The following UBE4B variants were observed in gnomAD, a reference collection of about 807,000 sequenced individuals.
UBE4B encodes ubiquitination factor E4B, also known as ubiquitin conjugation factor E4 B.
A neutral mutation model predicts 148.1 loss-of-function variants in UBE4B; 27 were observed. The ratio of observed to expected loss-of-function variants is 0.18; its 90% CI spans 0.13 to 0.25. UBE4B has a LOEUF of 0.25. Among genes scored for constraint, UBE4B ranks in the 10% least tolerant of loss-of-function variants. The pLI is 1.00. For missense variants in UBE4B, 1,170 were observed against 1,662.4 expected, an observed-to-expected ratio of 0.70 and a Z score of 5.15; for synonymous variants, 596 against 619.3, an observed-to-expected ratio of 0.96 and a Z score of 0.56.
intron 2 of UBE4B, among the ~76,000 whole-genome samples, chr1:10,092,236 T>C (rs1644859113): frequency 6.6e-6 from 1 of 151,994 alleles, no homozygotes; most frequent in East Asian, 2.0e-4. Context: ...TGTTTTGTTT[T>C]GTTTTTGAGA....
chr1:10,103,730 A>C (rs936493756), intron 5 of UBE4B, among the ~76,000 whole-genome samples: 4 of 150,434 alleles, frequency 2.7e-5, no homozygotes, highest in Non-Finnish European at 5.9e-5. Flanking sequence ...TCCTGGGTTC[A>C]AGCAATTCTC....
chr1:10,148,345 A>C (rs1400242944), intron 19 of UBE4B, among the ~76,000 whole-genome samples: 2 of 152,038 alleles, frequency 1.3e-5, no homozygotes, highest in Non-Finnish European at 2.9e-5. Context: ...GCAAGAAGTC[A>C]AGAAGGCTGG....
chr1:10,037,553 G>C (rs573531307), intron 1 of UBE4B, among the ~76,000 whole-genome samples: 1 of 152,086 alleles, frequency 6.6e-6, no homozygotes, highest in African/African-American at 2.4e-5. Flanking sequence ...GTGGTGCTGT[G>C]AGTAGGTGGT....
chr1:10,149,481 A>G (rs1030119247), intron 20 of UBE4B, among the ~76,000 whole-genome samples, 199 bp downstream of exon 20: 4 of 152,236 alleles, frequency 2.6e-5, no homozygotes, highest in African/African-American at 9.6e-5. Flanking sequence ...AGACAGAGGC[A>G]GGATTAACAG....
intron 10 of UBE4B, among the ~76,000 whole-genome samples, chr1:10,123,202 G>A (rs1645437405): frequency 2.0e-5 from 3 of 152,004 alleles, no homozygotes; most frequent in African/African-American, 4.8e-5. Context: ...AGGCTGAGGC[G>A]GATGGATCGC....
intron 23 of UBE4B, among the ~76,000 whole-genome samples, chr1:10,166,762 CAA>C (rs777862902): frequency 8.6e-5 from 13 of 151,264 alleles, no homozygotes; most frequent in Non-Finnish European, 2.9e-5. Context: ...CAATCTTTAC[CAA>C]AAATACAAAA....
chr1:10,160,843 T>C (rs567432564), intron 22 of UBE4B, among the ~76,000 whole-genome samples: 1 of 152,246 alleles, frequency 6.6e-6, no homozygotes, highest in South Asian at 2.1e-4. Flanking sequence ...CTTAGGAGGC[T>C]GAGGCAGGAA....
At chr1:10,141,708 T>A (rs566941581) in intron 17 of UBE4B, among the ~76,000 whole-genome samples, 1 of 152,262 alleles carries the variant, frequency 6.6e-6, no homozygotes, top group Non-Finnish European at 1.5e-5. Context: ...CGAAGAGGGA[T>A]GATGGGTTAG....
intron 1 of UBE4B, among the ~76,000 whole-genome samples, chr1:10,035,287 G>C (rs528401985): frequency 1.3e-5 from 2 of 151,366 alleles, no homozygotes; most frequent in Non-Finnish European, 1.5e-5. Context: ...GTGAGCCACC[G>C]CGCCTGGCCT....
intron 1 of UBE4B, among the ~76,000 whole-genome samples, chr1:10,067,216 G>A (rs1455774810): frequency 6.6e-6 from 1 of 152,112 alleles, no homozygotes; most frequent in Non-Finnish European, 1.5e-5. Flanking sequence ...GGTGGGAAGT[G>A]CTGCGTCATA....
chr1:10,153,452 T>TGCGTTCCA (rs1262790987), intron 21 of UBE4B, among the ~76,000 whole-genome samples: 1 of 136,604 alleles, frequency 7.3e-6, no homozygotes, highest in Non-Finnish European at 1.5e-5. Flanking sequence ...ATCTTGCTGC[T>TGCGTTCCA]GCGTTCCAGC....
chr1:10,105,831 AT>A, intron 6 of UBE4B, 87 bp downstream of exon 6: 7 of 1,330,986 alleles, frequency 5.3e-6, no homozygotes, highest in Non-Finnish European at 7.3e-6. Flanking sequence ...GACAGTGTTA[AT>A]CAGTGTCATA....
At chr1:10,040,229 A>G (rs993945767) in intron 1 of UBE4B, among the ~76,000 whole-genome samples, 2 of 150,504 alleles carry the variant, frequency 1.3e-5, no homozygotes, top group Non-Finnish European at 3.0e-5. Flanking sequence ...GGTTCAAGTG[A>G]TTCTCCTGCC....
intron 14 of UBE4B, among the ~76,000 whole-genome samples, chr1:10,131,102 C>G (rs1645585511): frequency 6.6e-6 from 1 of 152,134 alleles, no homozygotes; most frequent in Admixed American, 6.6e-5. Context: ...TGAGGGTGAG[C>G]AAGGATTGTT....
intron 2 of UBE4B, among the ~76,000 whole-genome samples, chr1:10,074,062 T>G (rs2101835718): frequency 6.6e-6 from 1 of 151,788 alleles, no homozygotes; most frequent in African/African-American, 2.4e-5. Context: ...CTTCAGTCTC[T>G]CATGTAGCTG....
chr1:10,095,624 CTCTTT>C, intron 3 of UBE4B, 28 bp downstream of exon 3: 1 of 1,613,386 alleles, frequency 6.2e-7, no homozygotes, highest in South Asian at 1.1e-5. Flanking sequence ...TTCTAATATG[CTCTTT>C]TATTTAGGGA....
chr1:10,111,044 G>GACAC (rs55936075), intron 7 of UBE4B, among the ~76,000 whole-genome samples: 7,460 of 113,330 alleles, frequency 0.066, 335 homozygotes, highest in East Asian at 0.082. Context: ...CTCTGTCTCT[G>GACAC]ACACACACAC....
At chr1:10,163,535 G>T (rs1264848898) in intron 23 of UBE4B, among the ~76,000 whole-genome samples, 1 of 151,878 alleles carries the variant, frequency 6.6e-6, no homozygotes, top group African/African-American at 2.4e-5. Flanking sequence ...GGGTGTGGTG[G>T]CACGCCGCTG....
chr1:10,057,328 T>A (rs1644192716), intron 1 of UBE4B, among the ~76,000 whole-genome samples: 1 of 151,874 alleles, frequency 6.6e-6, no homozygotes, highest in Non-Finnish European at 1.5e-5. Flanking sequence ...CCTTGTATTT[T>A]AAAAAAGATA....
Sources: allele counts gnomAD v4.1 joint callset (sites outside exome capture counted in the v4.1 genomes callset), GRCh38; gene constraint gnomAD v4.1.1; transcripts MANE v1.5; gene names NCBI Gene and HGNC (gene_info 2026-07-23, HGNC 2026-07-21).